Variants in GPR39 observed in about 807,000 individuals in gnomAD.
The protein encoded by GPR39 is zinc sensing receptor.
A neutral mutation model predicts 18.4 loss-of-function variants in GPR39; 23 were observed. That is an observed-to-expected ratio of 1.25 (90% CI 0.90 to 1.77). GPR39 has a LOEUF of 1.77. Ranked by LOEUF, GPR39 falls within the 40% of genes most tolerant of loss-of-function variation. The pLI is 0.00. For missense variants in GPR39, 647 were observed against 602.4 expected, an observed-to-expected ratio of 1.07 and a Z score of -0.78; for synonymous variants, 280 against 257.9, an observed-to-expected ratio of 1.09 and a Z score of -0.82.
intron 1 of GPR39, among the ~76,000 whole-genome samples, chr2:132,485,975 G>GTCTAT: frequency 6.6e-6 from 1 of 152,288 alleles, no homozygotes; most frequent in South Asian, 2.1e-4. Flanking sequence ...CTTATGAGAA[G>GTCTAT]TATTTCTTAA....
chr2:132,581,879 G>T (rs915576958), intron 1 of GPR39, among the ~76,000 whole-genome samples: 1 of 152,128 alleles, frequency 6.6e-6, no homozygotes, highest in Non-Finnish European at 1.5e-5. Flanking sequence ...ATAAGAATGC[G>T]TGTGGCATGA....
intron 1 of GPR39, among the ~76,000 whole-genome samples, chr2:132,620,887 G>A (rs1283871096): frequency 2.6e-5 from 4 of 152,060 alleles, no homozygotes; most frequent in African/African-American, 9.7e-5. Context: ...CAAGTAGCTG[G>A]GACTACAGGT....
Position 132,417,816 on chromosome 2 carries a change from C to A in GPR39, c.774C>A (p.Ala258=). The change falls in exon 1 of 2, where the codon GCC becomes GCA. Residue 258 remains alanine, a synonymous_variant. Coordinates refer to ENST00000329321, the MANE Select transcript of GPR39 (RefSeq NM_001508.3). ...VLMKSQKGSL[A]GGTRPPQLRK... Reference sequence around the variant, plus strand: ...TGAAAAGCCAGAAGGGCTCGCTGGCCGGGGGCACGCGGCCTCCGCAGCTGA... The same window carrying A: ...TGAAAAGCCAGAAGGGCTCGCTGGCAGGGGGCACGCGGCCTCCGCAGCTGA... The A allele has an allele frequency of 1.2e-6, 2 of 1,613,854 alleles. No individual in the cohort carries two copies. Among genetic ancestry groups the A allele is most frequent in the Non-Finnish European group, 8.5e-7 (1 of 1,180,016 alleles).
At chr2:132,593,417 C>T (rs989941594) in intron 1 of GPR39, among the ~76,000 whole-genome samples, 2 of 152,128 alleles carry the variant, frequency 1.3e-5, no homozygotes, top group Non-Finnish European at 2.9e-5. Context: ...TGTAGGGACC[C>T]ACCATGAGTC....
At chr2:132,489,898 G>A (rs1016238315) in intron 1 of GPR39, among the ~76,000 whole-genome samples, 3 of 151,882 alleles carry the variant, frequency 2.0e-5, no homozygotes, top group Non-Finnish European at 4.4e-5. Flanking sequence ...AGGAGGCTCA[G>A]CCTAGATTCC....
intron 1 of GPR39, among the ~76,000 whole-genome samples, chr2:132,603,626 CTG>C (rs138156213): frequency 0.015 from 2,322 of 152,238 alleles, 72 homozygotes; most frequent in African/African-American, 0.053. Context: ...AACTATCACT[CTG>C]TATCTCATAA....
chr2:132,456,968 C>G (rs1188827896), intron 1 of GPR39, among the ~76,000 whole-genome samples: 1 of 152,126 alleles, frequency 6.6e-6, no homozygotes, highest in African/African-American at 2.4e-5. Context: ...TGGGGTGGCT[C>G]TCCTCGAGGA....
chr2:132,476,254 C>T (rs16831999), intron 1 of GPR39, among the ~76,000 whole-genome samples: 5,874 of 152,090 alleles, frequency 0.039, 334 homozygotes, highest in African/African-American at 0.12. Context: ...AATCTTATAC[C>T]GAGGATGTCC....
chr2:132,432,306 T>G (rs1201892831), intron 1 of GPR39, among the ~76,000 whole-genome samples: 1 of 152,206 alleles, frequency 6.6e-6, no homozygotes, highest in East Asian at 1.9e-4. Context: ...AAGGCAGCTC[T>G]CTGGGACCTC....
At chr2:132,604,974 A>G (rs1195128124) in intron 1 of GPR39, 1 of 152,268 alleles carries the variant, frequency 6.6e-6, no homozygotes, top group African/African-American at 2.4e-5. Flanking sequence ...CATGTCAGAT[A>G]TCATACAAAG....
intron 1 of GPR39, chr2:132,433,670 A>C (rs1680261941): frequency 6.6e-6 from 1 of 150,840 alleles, no homozygotes; most frequent in Admixed American, 6.6e-5. Flanking sequence ...ACTCCAGTGT[A>C]AGGACCATTA....
chr2:132,614,433 C>T (rs917191083), intron 1 of GPR39, among the ~76,000 whole-genome samples: 18 of 151,934 alleles, frequency 1.2e-4, no homozygotes, highest in African/African-American at 7.3e-5. Flanking sequence ...CTCTTGACCT[C>T]GTGATCTTGA....
chr2:132,532,329 CTCTGA>C (rs1318479507), intron 1 of GPR39, among the ~76,000 whole-genome samples: 1 of 152,134 alleles, frequency 6.6e-6, no homozygotes, highest in Non-Finnish European at 1.5e-5. Context: ...CAACAACAGG[CTCTGA>C]AATTGTGGCA....
chr2:132,492,830 TATACAC>T (rs1558814719), intron 1 of GPR39, among the ~76,000 whole-genome samples: 8 of 141,988 alleles, frequency 5.6e-5, no homozygotes, highest in African/African-American at 1.8e-4. Context: ...ATATATACCA[TATACAC>T]ACCATATATA....
intron 1 of GPR39, among the ~76,000 whole-genome samples, chr2:132,489,558 T>C (rs1174751298): frequency 1.3e-5 from 2 of 152,022 alleles, no homozygotes; most frequent in Non-Finnish European, 2.9e-5. Flanking sequence ...GAACTTCATT[T>C]TGACTCATCA....
intron 1 of GPR39, among the ~76,000 whole-genome samples, chr2:132,609,635 C>T (rs1249299017): frequency 1.3e-5 from 2 of 152,176 alleles, no homozygotes; most frequent in African/African-American, 2.4e-5. Flanking sequence ...CTGGGCTTCT[C>T]ATTGTGAGTT....
At chr2:132,637,398 G>A (rs571382094) in intron 1 of GPR39, among the ~76,000 whole-genome samples, 4 of 152,368 alleles carry the variant, frequency 2.6e-5, no homozygotes, top group Admixed American at 2.6e-4. Context: ...GGTGGATGGA[G>A]TTGCACTGGG....
chr2:132,608,804 G>A (rs1681186600), intron 1 of GPR39, among the ~76,000 whole-genome samples: 1 of 152,138 alleles, frequency 6.6e-6, no homozygotes, highest in Non-Finnish European at 1.5e-5. Context: ...GCTGGGGTGG[G>A]GTGCGGGAGC....
At chr2:132,590,424 T>G (rs1680806092) in intron 1 of GPR39, among the ~76,000 whole-genome samples, 1 of 152,060 alleles carries the variant, frequency 6.6e-6, no homozygotes, top group Admixed American at 6.5e-5. Flanking sequence ...GCCCAGAGTG[T>G]CACTGGTTTC....
Sources: gnomAD v4.1 joint callset for allele counts (sites outside exome capture counted in the v4.1 genomes callset) on GRCh38, gnomAD v4.1.1 for gene constraint, MANE v1.5 for transcripts, NCBI Gene and HGNC (gene_info 2026-07-23, HGNC 2026-07-21) for gene names.